Variants in PVT1 observed in about 807,000 individuals in gnomAD.
PVT1 encodes the protein Pvt1 oncogene, also known as CXCR4/PVT1 fusion.
chr8:128,004,783 A>G (rs998523958), intron 4 of PVT1, among the ~76,000 whole-genome samples: 2 of 152,230 alleles, frequency 1.3e-5, no homozygotes, highest in African/African-American at 4.8e-5. Context: ...TTACCTGTAA[A>G]TGTAACAATG....
At chr8:127,841,251 A>C (rs1814970204) in intron 2 of PVT1, among the ~76,000 whole-genome samples, 1 of 152,164 alleles carries the variant, frequency 6.6e-6, no homozygotes, top group Non-Finnish European at 1.5e-5. Flanking sequence ...GGAGGTAGGT[A>C]CTATTAGCCC....
chr8:127,909,729 C>T (rs1815869032), intron 3 of PVT1, among the ~76,000 whole-genome samples: 1 of 151,988 alleles, frequency 6.6e-6, no homozygotes, highest in African/African-American at 2.4e-5. Context: ...GTAGGGGTCC[C>T]CAGAATTGGG....
intron 4 of PVT1, among the ~76,000 whole-genome samples, chr8:128,014,325 C>G (rs1287703454): frequency 2.6e-5 from 4 of 152,232 alleles, no homozygotes; most frequent in Non-Finnish European, 4.4e-5. Context: ...CCTCAATGCT[C>G]ACATTCTAGA....
chr8:127,856,274 T>C (rs1033281278), intron 2 of PVT1, among the ~76,000 whole-genome samples: 6 of 151,954 alleles, frequency 3.9e-5, no homozygotes, highest in Admixed American at 3.9e-4. Context: ...TTGGGTGTCC[T>C]GGGAAGGCTT....
At chr8:127,982,175 C>T (rs1339198764) in intron 3 of PVT1, among the ~76,000 whole-genome samples, 1 of 152,332 alleles carries the variant, frequency 6.6e-6, no homozygotes, top group Non-Finnish European at 1.5e-5. Flanking sequence ...AACATCTTCA[C>T]AGTTCCTGGC....
At chr8:127,968,731 T>C (rs1741458900) in intron 3 of PVT1, among the ~76,000 whole-genome samples, 1 of 152,152 alleles carries the variant, frequency 6.6e-6, no homozygotes, top group Non-Finnish European at 1.5e-5. Context: ...AATAAAGTTA[T>C]GGTGAGGTCA....
chr8:127,964,192 G>T (rs570956601), intron 3 of PVT1, among the ~76,000 whole-genome samples: 3 of 152,390 alleles, frequency 2.0e-5, no homozygotes, highest in Admixed American at 6.5e-5. Flanking sequence ...CATCTGCTGG[G>T]AGTCCTGTTT....
chr8:128,031,870 G>T (rs6987459), intron 4 of PVT1, among the ~76,000 whole-genome samples: 2 of 151,982 alleles, frequency 1.3e-5, no homozygotes, highest in Admixed American at 6.6e-5. Flanking sequence ...TTGAACCCGG[G>T]GCTCTGGTTG....
chr8:127,909,623 G>A (rs1411248404), intron 3 of PVT1, among the ~76,000 whole-genome samples: 1 of 152,180 alleles, frequency 6.6e-6, no homozygotes, highest in Non-Finnish European at 1.5e-5. Context: ...TAAGAACTGA[G>A]TGGATTGGAC....
intron 3 of PVT1, among the ~76,000 whole-genome samples, chr8:127,896,283 C>A (rs1815673850): frequency 1.3e-5 from 2 of 152,084 alleles, no homozygotes; most frequent in African/African-American, 4.8e-5. Context: ...AAGGAGTGGT[C>A]TCGGTGACAG....
chr8:127,880,548 G>A (rs1163988315), intron 2 of PVT1, among the ~76,000 whole-genome samples: 2 of 149,232 alleles, frequency 1.3e-5, no homozygotes, highest in African/African-American at 2.5e-5. Flanking sequence ...CGCCTGTCTC[G>A]GTCTCCCAAA....
chr8:127,884,499 A>G (rs1019852381), intron 2 of PVT1, among the ~76,000 whole-genome samples: 22 of 152,342 alleles, frequency 1.4e-4, no homozygotes, highest in African/African-American at 4.8e-4. Context: ...GTGGAGCTGC[A>G]GGGTCATAGG....
chr8:127,993,221 C>T (rs10956402), intron 4 of PVT1, among the ~76,000 whole-genome samples: 64,062 of 152,204 alleles, frequency 0.42, 13,867 homozygotes, highest in East Asian at 0.56. Context: ...AAAATGTGCC[C>T]AACTTTTTTT....
At position 127,853,811 on chromosome 8, in the gene PVT1, CA is replaced by C. The variant is rs60387929; in HGVS notation, n.373-36767del. Among the ~76,000 whole-genome samples, 1,064 of 146,156 alleles carry C rather than the reference CA, an allele frequency of 7.3e-3. 11 individuals carry two copies. The highest frequency in any genetic ancestry group is 0.024 in the African/African-American group (965 of 39,858). On this transcript the variant is annotated intron_variant and non_coding_transcript_variant, in intron 2 of 10. Transcript: ENST00000651587. ...AAAACAAAACAAAAAAACACTGTCT[CA>C]AAAAAAAAAAGTGAATAAAGAGAGA...
chr8:127,794,988 G>A (rs1038864049), intron 1 of PVT1, among the ~76,000 whole-genome samples: 4 of 152,076 alleles, frequency 2.6e-5, no homozygotes, highest in Admixed American at 6.6e-5. Context: ...TTGATCAAAG[G>A]CATATTAACT....
rs559147216 is a variant in PVT1, at chr8:127,858,276, G to A, written n.373-32313G>A. ...ACAAAAATTAGCCGGGCATGGTGGC[G>A]GGTGCCTGTAATCCCAGCTACCAGG... On this transcript the variant is annotated intron_variant and non_coding_transcript_variant, in intron 2 of 10. Coordinates refer to ENST00000651587, the Ensembl canonical transcript of PVT1. Among the ~76,000 whole-genome samples, 29 of 152,150 alleles carry A rather than the reference G, an allele frequency of 1.9e-4. 1 individual carries two copies. The South Asian group carries it at 5.4e-3, about 28-fold the overall frequency.
intron 3 of PVT1, chr8:127,939,383 C>A (rs769842859): frequency 3.9e-5 from 6 of 152,420 alleles, no homozygotes; most frequent in Non-Finnish European, 7.3e-5. Context: ...GGAGAAAAGC[C>A]GCGTTAGGCA....
chr8:127,974,227 T>C (rs1586462705), intron 3 of PVT1, among the ~76,000 whole-genome samples: 2 of 152,206 alleles, frequency 1.3e-5, no homozygotes, highest in South Asian at 4.1e-4. Context: ...TATCACCCCA[T>C]TGGTGCCTAC....
chr8:127,926,296 G>A (rs949287195), intron 3 of PVT1, among the ~76,000 whole-genome samples: 3 of 152,174 alleles, frequency 2.0e-5, no homozygotes, highest in African/African-American at 2.4e-5. Context: ...CAGTCCCTCC[G>A]TTGTGACTAA....
Sources: allele counts gnomAD v4.1 joint callset (sites outside exome capture counted in the v4.1 genomes callset), GRCh38; gene constraint gnomAD v4.1.1; transcripts MANE v1.5; gene names NCBI Gene and HGNC (gene_info 2026-07-23, HGNC 2026-07-21).